The following KCNH7 variants were observed in gnomAD, a reference collection of about 807,000 sequenced individuals.
KCNH7 encodes the protein potassium voltage-gated channel subfamily H member 7.
In KCNH7, 49 loss-of-function variants were observed where a neutral mutation model predicts 120.8. The ratio of observed to expected loss-of-function variants is 0.41; its 90% CI spans 0.32 to 0.51. KCNH7 has a LOEUF of 0.51. Among genes scored for constraint, KCNH7 ranks in the 20% least tolerant of loss-of-function variants. The probability of loss-of-function intolerance (pLI) is 0.38; values close to 1 mark genes in which losing one functional copy is unlikely to be tolerated. For synonymous variants in KCNH7, 547 were observed against 516.1 expected, an observed-to-expected ratio of 1.06 and a Z score of -0.81; for missense variants, 1,097 against 1,446.6, an observed-to-expected ratio of 0.76 and a Z score of 3.92.
At chr2:162,757,886 T>C (rs1367089970) in intron 2 of KCNH7, among the ~76,000 whole-genome samples, 1 of 152,132 alleles carries the variant, frequency 6.6e-6, no homozygotes, top group Non-Finnish European at 1.5e-5. Context: ...AGCCATCCAA[T>C]TCATATGAGT....
chr2:162,535,737 T>C (rs1335486807), intron 3 of KCNH7, among the ~76,000 whole-genome samples: 1 of 151,708 alleles, frequency 6.6e-6, no homozygotes, highest in East Asian at 1.9e-4. Context: ...CTCAACCTTC[T>C]GAAAATTAAT....
chr2:162,661,047 G>A (rs1357849179), intron 2 of KCNH7, among the ~76,000 whole-genome samples: 1 of 152,030 alleles, frequency 6.6e-6, no homozygotes, highest in East Asian at 1.9e-4. Context: ...TTATTATTTT[G>A]AAGAAACTAC....
At chr2:162,577,305 C>A (rs1478567358) in intron 2 of KCNH7, among the ~76,000 whole-genome samples, 1 of 145,422 alleles carries the variant, frequency 6.9e-6, no homozygotes, top group Non-Finnish European at 1.5e-5. Context: ...ATCTATCTAT[C>A]TATCTATCTA....
At chr2:162,387,191 C>A (rs1007874377) in intron 12 of KCNH7, among the ~76,000 whole-genome samples, 2 of 149,040 alleles carry the variant, frequency 1.3e-5, no homozygotes, top group African/African-American at 4.9e-5. Flanking sequence ...TGAACAATTT[C>A]TTTGATACAA....
Position 162,389,990 on chromosome 2 carries a change from G to A in KCNH7, c.2710+4399C>T, listed in dbSNP as rs1026103536. Among the ~76,000 whole-genome samples the A allele has an allele frequency of 4.0e-5, 6 of 151,846 alleles. No homozygotes were observed. In the South Asian group the frequency reaches 1.0e-3, roughly 26 times the overall value. ...AGAAATAAACATGAAAAAACTCAGG[G>A]CACTTAGCACACAGTGGGTACTCAA... On this transcript the variant is annotated intron_variant, in intron 12 of 15. Coordinates refer to ENST00000332142, the MANE Select transcript of KCNH7 (RefSeq NM_033272.4).
At chr2:162,379,743 T>A (rs1686343031) in intron 14 of KCNH7, 110 bp downstream of exon 14, 1 of 1,032,620 alleles carries the variant, frequency 9.7e-7, no homozygotes, top group Non-Finnish European at 1.4e-6. Flanking sequence ...AGTAAATGTA[T>A]AAGGAAATTA....
At chr2:162,579,161 C>T (rs1295304431) in intron 2 of KCNH7, among the ~76,000 whole-genome samples, 1 of 151,974 alleles carries the variant, frequency 6.6e-6, no homozygotes. Context: ...GCCAAGGCAT[C>T]TCTTACTTGT....
At chr2:162,552,772 G>A (rs139811921) in intron 2 of KCNH7, among the ~76,000 whole-genome samples, 28 of 152,264 alleles carry the variant, frequency 1.8e-4, no homozygotes, top group African/African-American at 4.8e-4. Flanking sequence ...CCTGGGAGCC[G>A]AAAGCAGTGA....
chr2:162,749,493 A>T (rs1217898686), intron 2 of KCNH7, among the ~76,000 whole-genome samples: 1 of 152,212 alleles, frequency 6.6e-6, no homozygotes, highest in African/African-American at 2.4e-5. Context: ...TAAAAATAAT[A>T]CATAAGTAAA....
At chr2:162,692,175 GC>G (rs1686135742) in intron 2 of KCNH7, among the ~76,000 whole-genome samples, 1 of 151,326 alleles carries the variant, frequency 6.6e-6, no homozygotes, top group Non-Finnish European at 1.5e-5. Context: ...AGTCTGGAGT[GC>G]AGTGAGTAGT....
At chr2:162,528,381 G>A (rs918606510) in intron 3 of KCNH7, 2 of 151,922 alleles carry the variant, frequency 1.3e-5, no homozygotes. Flanking sequence ...GACCAACGTG[G>A]TAGTAGAGAA....
chr2:162,467,352 T>C (rs1689342961), intron 6 of KCNH7, among the ~76,000 whole-genome samples: 1 of 152,218 alleles, frequency 6.6e-6, no homozygotes, highest in Non-Finnish European at 1.5e-5. Context: ...TGAAGCCTAA[T>C]AGGAGGTGTT....
chr2:162,709,925 T>C (rs1686862426), intron 2 of KCNH7, among the ~76,000 whole-genome samples: 1 of 152,174 alleles, frequency 6.6e-6, no homozygotes, highest in African/African-American at 2.4e-5. Context: ...ATTATGAAGA[T>C]ATACAGCTTG....
chr2:162,373,761 G>T, intron 14 of KCNH7, 99 bp from the exon 15 acceptor site: 1 of 728,332 alleles, frequency 1.4e-6, no homozygotes, highest in Non-Finnish European at 2.0e-6. Flanking sequence ...CAGAATTATG[G>T]CCTTGCTTTA....
At chr2:162,786,277 G>A (rs1450428905) in intron 2 of KCNH7, among the ~76,000 whole-genome samples, 3 of 146,876 alleles carry the variant, frequency 2.0e-5, no homozygotes, top group Non-Finnish European at 3.0e-5. Context: ...AGTAGTATGA[G>A]CCAACATTCT....
chr2:162,576,090 C>A (rs1272356045), intron 2 of KCNH7, among the ~76,000 whole-genome samples: 1 of 151,962 alleles, frequency 6.6e-6, no homozygotes, highest in African/African-American at 2.4e-5. Flanking sequence ...TTAATAGCAA[C>A]ATCTAATCTT....
intron 2 of KCNH7, among the ~76,000 whole-genome samples, chr2:162,655,450 G>T (rs375428288): frequency 6.6e-6 from 1 of 152,090 alleles, no homozygotes; most frequent in South Asian, 2.1e-4. Flanking sequence ...ACAATCTAAA[G>T]CTTCATCTGC....
At chr2:162,502,674 T>C (rs1312249358) in intron 6 of KCNH7, among the ~76,000 whole-genome samples, 1 of 152,088 alleles carries the variant, frequency 6.6e-6, no homozygotes, top group African/African-American at 2.4e-5. Context: ...TTCTCCCTAA[T>C]ATTCTTTATT....
chr2:162,505,579 C>T (rs1558983025), intron 5 of KCNH7, among the ~76,000 whole-genome samples: 1 of 151,824 alleles, frequency 6.6e-6, no homozygotes, highest in South Asian at 2.1e-4. Context: ...TGGGATGAAT[C>T]TGTTGTCTGT....
Sources: allele counts gnomAD v4.1 joint callset (sites outside exome capture counted in the v4.1 genomes callset), GRCh38; gene constraint gnomAD v4.1.1; transcripts MANE v1.5; gene names NCBI Gene and HGNC (gene_info 2026-07-23, HGNC 2026-07-21).